SCFD2: variants seen among roughly 807,000 people sequenced by gnomAD.
The protein encoded by SCFD2 is sec1 family domain containing 2, also known as sec1 family domain-containing protein 2.
A neutral mutation model predicts 58.9 loss-of-function variants in SCFD2; 54 were observed. That is an observed-to-expected ratio of 0.92 (90% CI 0.74 to 1.15). SCFD2 has a LOEUF of 1.15. Among genes scored for constraint, SCFD2 ranks in the 50% most tolerant of loss-of-function variants. The pLI is 0.00. For missense variants in SCFD2, 805 were observed against 836.6 expected, an observed-to-expected ratio of 0.96 and a Z score of 0.47; for synonymous variants, 321 against 335.9, an observed-to-expected ratio of 0.96 and a Z score of 0.49.
At chr4:53,236,321 G>C (rs747452161) in intron 4 of SCFD2, among the ~76,000 whole-genome samples, 55 of 151,902 alleles carry the variant, frequency 3.6e-4, no homozygotes, top group Non-Finnish European at 6.0e-4. Flanking sequence ...CCACTTACAA[G>C]GTCTCCACTA....
chr4:53,308,606 C>A (rs1411025134), intron 3 of SCFD2, among the ~76,000 whole-genome samples: 2 of 152,058 alleles, frequency 1.3e-5, no homozygotes, highest in African/African-American at 2.4e-5. Context: ...TAAATGTGAT[C>A]AAAAACACAG....
intron 7 of SCFD2, among the ~76,000 whole-genome samples, chr4:52,905,589 T>C (rs937104466): frequency 6.6e-6 from 1 of 152,204 alleles, no homozygotes; most frequent in Non-Finnish European, 1.5e-5. Context: ...AATCCATTAC[T>C]TGGAAACCTC....
At chr4:53,127,833 G>A (rs1725672869) in intron 5 of SCFD2, among the ~76,000 whole-genome samples, 1 of 152,078 alleles carries the variant, frequency 6.6e-6, no homozygotes, top group Non-Finnish European at 1.5e-5. Context: ...GTCCAATGTG[G>A]AGGAGTGTGT....
At chr4:52,928,721 T>G (rs1176231151) in intron 5 of SCFD2, among the ~76,000 whole-genome samples, 1 of 152,070 alleles carries the variant, frequency 6.6e-6, no homozygotes, top group Non-Finnish European at 1.5e-5. Flanking sequence ...CTATAGTTAT[T>G]GCTCAAATGA....
At position 53,273,988 on chromosome 4, in the gene SCFD2, C is replaced by A; in HGVS notation, c.1149G>T (p.Pro383=). Residue 383 remains proline, a synonymous_variant, in exon 4 of 9, where the codon CCG becomes CCT. Transcript: ENST00000401642. The part of the protein sequence containing the change: ...PIKMSMGRVT[P]GQLMSYIQLF... ...GCTGAATATAGGACATGAGCTGTCC[C>A]GGTGTGACTCTCCCTGGAAACATAA... 6.2e-7 allele frequency: 1 copy of A among 1,609,374 alleles called. No homozygotes were observed. Among genetic ancestry groups the A allele is most frequent in the South Asian group, 1.1e-5 (1 of 89,660 alleles).
At chr4:53,187,101 C>T (rs1359960442) in intron 4 of SCFD2, among the ~76,000 whole-genome samples, 1 of 151,932 alleles carries the variant, frequency 6.6e-6, no homozygotes, top group Non-Finnish European at 1.5e-5. Flanking sequence ...ACATGAAAAG[C>T]TTGTACAAAT....
chr4:52,995,480 C>T (rs1482252793), intron 5 of SCFD2, among the ~76,000 whole-genome samples: 1 of 152,220 alleles, frequency 6.6e-6, no homozygotes. Flanking sequence ...ATTGTGTTTA[C>T]TTGTGTCTTC....
chr4:53,198,496 T>C (rs958028525), intron 4 of SCFD2, among the ~76,000 whole-genome samples: 1 of 152,124 alleles, frequency 6.6e-6, no homozygotes, highest in Non-Finnish European at 1.5e-5. Flanking sequence ...AAATATCATA[T>C]GAAGCCAGCA....
intron 5 of SCFD2, among the ~76,000 whole-genome samples, chr4:53,051,417 A>T (rs1194119372): frequency 6.6e-6 from 1 of 152,130 alleles, no homozygotes; most frequent in Non-Finnish European, 1.5e-5. Flanking sequence ...AGCCTCTCCA[A>T]TCTTCTATAC....
chr4:53,351,889 T>A (rs947067448), intron 2 of SCFD2, among the ~76,000 whole-genome samples: 4 of 152,166 alleles, frequency 2.6e-5, no homozygotes, highest in Admixed American at 1.3e-4. Flanking sequence ...ACTATAATAC[T>A]GAAAGATCCT....
At chr4:53,116,488 C>T (rs1463165816) in intron 5 of SCFD2, among the ~76,000 whole-genome samples, 2 of 152,128 alleles carry the variant, frequency 1.3e-5, no homozygotes, top group Non-Finnish European at 2.9e-5. Context: ...AATCACATTG[C>T]CAAACCTAAC....
At chr4:53,025,085 C>T (rs539256910) in intron 5 of SCFD2, among the ~76,000 whole-genome samples, 1 of 152,110 alleles carries the variant, frequency 6.6e-6, no homozygotes, top group East Asian at 1.9e-4. Context: ...GCTTCCATTA[C>T]TATAGTTACG....
intron 5 of SCFD2, among the ~76,000 whole-genome samples, chr4:53,034,191 A>C (rs777257163): frequency 4.6e-5 from 7 of 152,098 alleles, no homozygotes; most frequent in Non-Finnish European, 7.4e-5. Context: ...TCCATCACAT[A>C]AACAGAACCA....
intron 5 of SCFD2, among the ~76,000 whole-genome samples, chr4:53,000,965 A>G (rs11929934): frequency 0.34 from 51,562 of 152,078 alleles, 8,767 homozygotes; most frequent in East Asian, 0.42. Context: ...GCATTCTTCT[A>G]GCATAGAAGT....
intron 4 of SCFD2, among the ~76,000 whole-genome samples, chr4:53,252,366 C>T (rs1368622428): frequency 6.6e-6 from 1 of 150,724 alleles, no homozygotes; most frequent in African/African-American, 2.4e-5. Context: ...CCTTTCTTCA[C>T]AGAATTGGAA....
chr4:52,958,819 T>TTTGG (rs1203984121), intron 5 of SCFD2, among the ~76,000 whole-genome samples: 139 of 152,238 alleles, frequency 9.1e-4, no homozygotes, highest in African/African-American at 3.2e-3. Context: ...GCTCTACAGG[T>TTTGG]AAATACGTTT....
At chr4:53,230,264 A>G (rs1017763409) in intron 4 of SCFD2, among the ~76,000 whole-genome samples, 2 of 152,210 alleles carry the variant, frequency 1.3e-5, no homozygotes, top group Non-Finnish European at 2.9e-5. Context: ...TAGCCATCCC[A>G]TTACTGGGTA....
rs181078750 is a variant in SCFD2 at position 53,347,966 on chromosome 4, A to G, written c.1007+4632T>C. 3.9e-5 allele frequency among the ~76,000 whole-genome samples: 6 copies of G among 152,348 alleles called. No individual in the cohort carries two copies. In the South Asian group the frequency reaches 6.2e-4, roughly 16 times the overall value. ...TCAGGTGAAGGTTATTTAAGGACCT[A>G]AAAATGGTTAGAGATAGTGGAGCCA... On this transcript the variant is annotated intron_variant, in intron 2 of 8. Transcript: ENST00000401642.
intron 8 of SCFD2, among the ~76,000 whole-genome samples, chr4:52,883,950 G>A (rs545379928): frequency 3.3e-5 from 5 of 152,270 alleles, no homozygotes; most frequent in East Asian, 1.9e-4. Context: ...CCATTCCTCC[G>A]TTGGGTGTCT....
Sources: allele counts gnomAD v4.1 joint callset (sites outside exome capture counted in the v4.1 genomes callset), GRCh38; gene constraint gnomAD v4.1.1; transcripts MANE v1.5; gene names NCBI Gene and HGNC (gene_info 2026-07-23, HGNC 2026-07-21).